The following FAM98A variants were observed in gnomAD, a reference collection of about 807,000 sequenced individuals.
FAM98A encodes tRNA splicing ligase complex subunit 3A, also known as protein FAM98A.
Under a neutral mutation model 62.9 loss-of-function variants are expected in FAM98A, and 25 were observed. That is an observed-to-expected ratio of 0.40 (90% CI 0.29 to 0.56). The LOEUF (loss-of-function observed/expected upper bound fraction) is 0.56, where lower values mean the gene tolerates loss of function less well. Among genes scored for constraint, FAM98A ranks in the 20% least tolerant of loss-of-function variants. The pLI is 0.51. For missense variants in FAM98A, 653 were observed against 640.7 expected (o/e 1.02, Z -0.21); for synonymous variants, 252 against 228.6 (o/e 1.10, Z -0.92).
intron 2 of FAM98A, among the ~76,000 whole-genome samples, chr2:33,594,015 T>A (rs1198760488): frequency 6.6e-6 from 1 of 152,182 alleles, no homozygotes; most frequent in African/African-American, 2.4e-5. Context: ...GTTCTGGGGT[T>A]GAAACCAGGC....
At position 33,588,452 on chromosome 2, in the gene FAM98A, TTGAGC is replaced by T; in HGVS notation, c.400_404del (p.Ala134ArgfsTer5). The T allele has an allele frequency of 6.2e-7, 1 of 1,613,846 alleles. No individual in the cohort carries two copies. The highest frequency in any genetic ancestry group is 8.5e-7 in the Non-Finnish European group (1 of 1,179,822). ...GAAAGACCTCACTACCGCCTCCTTC[TTGAGC>T]TTTTTTTGGAGGAGCATTCACACAG... is the stretch of plus-strand genomic sequence containing the variant. On this transcript the variant is annotated frameshift_variant, in exon 4 of 8. Transcript: ENST00000238823. LOFTEE classifies it high-confidence loss of function.
At chr2:33,594,271 A>ACCAGCATGCAAG (rs1174809200) in intron 2 of FAM98A, among the ~76,000 whole-genome samples, 2 of 152,086 alleles carry the variant, frequency 1.3e-5, no homozygotes, top group Non-Finnish European at 2.9e-5. Context: ...CATTAAATAT[A>ACCAGCATGCAAG]CCAGCATGCA....
In FAM98A at chr2:33,584,245, G is replaced by A; in HGVS notation, c.*531C>T. 6.4e-6 allele frequency: 1 copy of A among 155,336 alleles called. No individual in the cohort carries two copies. 9.6% of individuals were successfully genotyped at this position (155,336 alleles called of 1,614,324 possible). ...ATCTGCAAAAGAGCTCATTTAATAGGAACTGACCTAAAAGTTCCATCATGA... is the reference window on the plus strand; with the variant it reads ...ATCTGCAAAAGAGCTCATTTAATAGAAACTGACCTAAAAGTTCCATCATGA... On this transcript the variant is annotated 3_prime_UTR_variant, in exon 8 of 8. Coordinates refer to ENST00000238823, the MANE Select transcript of FAM98A (RefSeq NM_015475.5).
intron 1 of FAM98A, among the ~76,000 whole-genome samples, chr2:33,595,959 T>C (rs761843912): frequency 6.6e-6 from 1 of 152,206 alleles, no homozygotes; most frequent in South Asian, 2.1e-4. Context: ...CTTACTGTAA[T>C]TGAATTGAGT....
At position 33,584,731 on chromosome 2, in the gene FAM98A, A is replaced by G. The variant is rs759767401; in HGVS notation, c.*45T>C. ...TGCTGAATTCAGGATTCTGAAACTA[A>G]GTTTCTATTACTTGAGCTCTAGCAA... is the stretch of plus-strand genomic sequence containing the variant. On this transcript the variant is annotated 3_prime_UTR_variant, in exon 8 of 8. Transcript: ENST00000238823. The G allele has an allele frequency of 6.7e-7, 1 of 1,493,882 alleles. No homozygotes were observed. The highest frequency in any genetic ancestry group is 9.1e-7 in the Non-Finnish European group (1 of 1,104,050). The allele number at this position is 1,493,882 out of a possible 1,614,324, so 92.5% of individuals were successfully genotyped here.
In FAM98A at chr2:33,594,869, C is replaced by T. The variant is rs528357495; in HGVS notation, c.202+620G>A. ...AGGTTTACCTACAGCAGGAAGGAAC[C>T]AGATGGTAGAGTGGTAGGTTCCAAG... On this transcript the variant is annotated intron_variant, in intron 2 of 7. Transcript: ENST00000238823. 3.3e-5 allele frequency among the ~76,000 whole-genome samples: 5 copies of T among 152,134 alleles called. No individual in the cohort carries two copies. The East Asian group carries it at 9.7e-4, about 29-fold the overall frequency.
chr2:33,586,490 T>A, intron 6 of FAM98A, 72 bp downstream of exon 6: 1 of 993,436 alleles, frequency 1.0e-6, no homozygotes, highest in South Asian at 1.4e-5. Flanking sequence ...AGTTGCCAAG[T>A]AGCTAAATTG....
chr2:33,592,364 G>A (rs924476759), intron 2 of FAM98A, 150 bp from the exon 3 acceptor site: 2 of 649,070 alleles, frequency 3.1e-6, no homozygotes, highest in African/African-American at 3.7e-5. Context: ...CCACTGCAAA[G>A]TTTCTTCTTT....
rs1677530912 is a variant in FAM98A, at chr2:33,585,647, T to C, written c.771A>G (p.Leu257=). The C allele has an allele frequency of 6.2e-7, 1 of 1,614,160 alleles. No homozygotes were observed. The change falls in exon 7 of 8, where the codon TTA becomes TTG. Residue 257 remains leucine, a synonymous_variant. Coordinates refer to ENST00000238823, the MANE Select transcript of FAM98A (RefSeq NM_015475.5). ...CAACAGAAATAGTAGTTTTAGGGGA[T>C]AAGACTGAACGTTTCGGCTGGTAAA... is the stretch of plus-strand genomic sequence containing the variant. ...AKVYQPKRSV[L]SPKTTISVAH...
intron 2 of FAM98A, among the ~76,000 whole-genome samples, chr2:33,593,969 C>A (rs1677732268): frequency 6.6e-6 from 1 of 152,152 alleles, no homozygotes; most frequent in Admixed American, 6.5e-5. Context: ...CAGTATAGCA[C>A]AGTGTTCAAG....
rs1391151757 is a variant in FAM98A, at chr2:33,585,461, A to G, written c.889-17T>C. On this transcript the variant is annotated splice_polypyrimidine_tract_variant and intron_variant, in intron 7 of 7. Coordinates refer to ENST00000238823, the MANE Select transcript of FAM98A (RefSeq NM_015475.5). Reference sequence around the variant, plus strand: ...CATCAACACCTACAGAATAGGAAAGATATTTTAAACTTTTATTTTATGAAC... The same window carrying G: ...CATCAACACCTACAGAATAGGAAAGGTATTTTAAACTTTTATTTTATGAAC... The G allele has an allele frequency of 2.5e-6, 4 of 1,613,478 alleles. No homozygotes were observed. The highest frequency in any genetic ancestry group is 3.3e-5 in the Admixed American group (2 of 59,896).
intron 3 of FAM98A, among the ~76,000 whole-genome samples, chr2:33,590,428 G>A (rs1677645820): frequency 6.6e-6 from 1 of 152,148 alleles, no homozygotes; most frequent in South Asian, 2.1e-4. Flanking sequence ...GCATCCAGAT[G>A]TGACAACTGA....
intron 1 of FAM98A, among the ~76,000 whole-genome samples, chr2:33,596,199 A>G (rs548142301): frequency 6.6e-6 from 1 of 152,216 alleles, no homozygotes; most frequent in East Asian, 1.9e-4. Context: ...TATGTTGCCC[A>G]GGCTTAGTTA....
intron 5 of FAM98A, chr2:33,586,986 A>T (rs1677571166): frequency 1.9e-6 from 1 of 525,642 alleles, no homozygotes; most frequent in Admixed American, 3.4e-5. Flanking sequence ...AGAAACATGC[A>T]CCATACTTAA....
At chr2:33,593,076 T>G (rs1677710823) in intron 2 of FAM98A, among the ~76,000 whole-genome samples, 1 of 152,190 alleles carries the variant, frequency 6.6e-6, no homozygotes, top group South Asian at 2.1e-4. Flanking sequence ...GCTGATTTCC[T>G]CTCTCTGTGA....
At chr2:33,588,882 A>T (rs984728512) in intron 3 of FAM98A, 2 of 152,646 alleles carry the variant, frequency 1.3e-5, no homozygotes, top group African/African-American at 4.9e-5. Context: ...GCAGGTGACC[A>T]ATTTTTAATG....
At chr2:33,591,195 C>CT (rs201236299) in intron 3 of FAM98A, among the ~76,000 whole-genome samples, 62,574 of 147,056 alleles carry the variant, frequency 0.43, 14,059 homozygotes, top group Middle Eastern at 0.53. Context: ...GCTATGAACA[C>CT]TTTTTTTTTT....
At position 33,599,258 on chromosome 2, in the gene FAM98A, C is replaced by G. The variant is rs1220556347; in HGVS notation, c.-37G>C. On this transcript the variant is annotated 5_prime_UTR_variant, in exon 1 of 8. Coordinates refer to ENST00000238823, the MANE Select transcript of FAM98A (RefSeq NM_015475.5). ...ATTCAAATTTCCGAGTCGTCAGGCT[C>G]CCCTCTTCGCCGGCAACGCGTACAC... is the stretch of plus-strand genomic sequence containing the variant. The G allele has an allele frequency of 7.0e-6, 11 of 1,571,460 alleles. 1 individual carries two copies. Among genetic ancestry groups the G allele is most frequent in the South Asian group, 4.4e-5 (4 of 90,216 alleles).
chr2:33,591,060 C>T (rs1284712211), intron 3 of FAM98A, among the ~76,000 whole-genome samples: 2 of 152,110 alleles, frequency 1.3e-5, no homozygotes, highest in African/African-American at 4.8e-5. Context: ...GAACTACCAG[C>T]AGCAATATCA....
Sources: allele counts gnomAD v4.1 joint callset (sites outside exome capture counted in the v4.1 genomes callset), GRCh38; gene constraint gnomAD v4.1.1; transcripts MANE v1.5; gene names NCBI Gene and HGNC (gene_info 2026-07-23, HGNC 2026-07-21).